The following MTUS2 variants were observed in gnomAD, a reference collection of about 807,000 sequenced individuals.
MTUS2 encodes the protein microtubule associated scaffold protein 2.
A neutral mutation model predicts 114.1 loss-of-function variants in MTUS2; 40 were observed. That is an observed-to-expected ratio of 0.35 (90% CI 0.27 to 0.46). The LOEUF (loss-of-function observed/expected upper bound fraction) is 0.46. MTUS2 is among the 20% of genes least tolerant of loss of function. The probability of loss-of-function intolerance (pLI) is 1.00; values close to 1 mark genes in which losing one functional copy is unlikely to be tolerated. For synonymous variants in MTUS2, 688 were observed against 672.0 expected, an observed-to-expected ratio of 1.02 and a Z score of -0.37; for missense variants, 1,679 against 1,705.4, an observed-to-expected ratio of 0.98 and a Z score of 0.27.
intron 2 of MTUS2, among the ~76,000 whole-genome samples, chr13:28,908,915 C>A (rs1356057260): frequency 1.3e-5 from 2 of 151,564 alleles, no homozygotes; most frequent in Non-Finnish European, 2.9e-5. Context: ...TATGGCTAGC[C>A]AGTTTTCCCA....
intron 9 of MTUS2, among the ~76,000 whole-genome samples, chr13:29,461,729 G>T (rs954560059): frequency 2.6e-5 from 4 of 152,188 alleles, no homozygotes; most frequent in African/African-American, 7.2e-5. Context: ...TTAATATAAA[G>T]AATTGTTAAT....
chr13:28,833,545 A>G (rs1381675238), intron 1 of MTUS2, among the ~76,000 whole-genome samples: 1 of 152,148 alleles, frequency 6.6e-6, no homozygotes, highest in Non-Finnish European at 1.5e-5. Flanking sequence ...CAAAACTAGG[A>G]ATGGAAGGAA....
chr13:29,109,797 A>T (rs1347796893), intron 5 of MTUS2, among the ~76,000 whole-genome samples: 2 of 152,194 alleles, frequency 1.3e-5, no homozygotes, highest in African/African-American at 4.8e-5. Flanking sequence ...TTAAAAGATG[A>T]CCATGATGGA....
intron 6 of MTUS2, among the ~76,000 whole-genome samples, chr13:29,298,553 C>T (rs78100509): frequency 5.3e-5 from 8 of 152,238 alleles, no homozygotes; most frequent in Non-Finnish European, 1.2e-4. Flanking sequence ...GTTCTCCCTG[C>T]CTTCGTCCAG....
intron 4 of MTUS2, 59 bp downstream of exon 4, chr13:29,034,184 AGAT>A: frequency 6.2e-7 from 1 of 1,602,732 alleles, no homozygotes; most frequent in Non-Finnish European, 8.5e-7. Flanking sequence ...TCATCATGTA[AGAT>A]GGTGATAATT....
intron 6 of MTUS2, among the ~76,000 whole-genome samples, chr13:29,309,956 C>T (rs1463014516): frequency 6.6e-6 from 1 of 152,042 alleles, no homozygotes; most frequent in South Asian, 2.1e-4. Context: ...TTTAAATATA[C>T]AAAAAATTAT....
intron 8 of MTUS2, among the ~76,000 whole-genome samples, chr13:29,417,579 A>G (rs1255207603): frequency 6.6e-6 from 1 of 151,772 alleles, no homozygotes; most frequent in African/African-American, 2.4e-5. Flanking sequence ...AGTTTATCTT[A>G]CTCTGGGCAC....
intron 8 of MTUS2, among the ~76,000 whole-genome samples, chr13:29,371,267 G>T (rs1243624235): frequency 3.3e-5 from 5 of 150,416 alleles, no homozygotes; most frequent in Non-Finnish European, 5.9e-5. Flanking sequence ...GCCCAGGCTG[G>T]AGTGCAGTGG....
At chr13:29,356,362 T>C (rs1869742275) in intron 7 of MTUS2, among the ~76,000 whole-genome samples, 1 of 152,222 alleles carries the variant, frequency 6.6e-6, no homozygotes, top group African/African-American at 2.4e-5. Flanking sequence ...ACAAACCTGG[T>C]ACTTCCTAAG....
chr13:29,351,617 T>C (rs1196988760), intron 7 of MTUS2, among the ~76,000 whole-genome samples: 1 of 151,834 alleles, frequency 6.6e-6, no homozygotes, highest in African/African-American at 2.4e-5. Flanking sequence ...TTTGTTTGTT[T>C]TTTTGAGACA....
At chr13:29,059,311 T>C (rs1888300115) in intron 4 of MTUS2, among the ~76,000 whole-genome samples, 1 of 145,096 alleles carries the variant, frequency 6.9e-6, no homozygotes, top group African/African-American at 2.5e-5. Context: ...TTTAGTCAAC[T>C]GGCTTCAAAG....
intron 1 of MTUS2, among the ~76,000 whole-genome samples, chr13:28,829,527 G>A (rs894792945): frequency 2.6e-5 from 3 of 114,494 alleles, no homozygotes; most frequent in Admixed American, 8.3e-5. Context: ...GTAGGACTCC[G>A]TCTAAAAAAA....
rs1896792284 is a variant in MTUS2 at position 29,243,199 on chromosome 13, G to A, written c.2645-38505G>A. 1.3e-5 allele frequency among the ~76,000 whole-genome samples: 2 copies of A among 152,210 alleles called. 1 individual carries two copies. The highest frequency in any genetic ancestry group is 4.1e-4 in the South Asian group (2 of 4,836). On this transcript the variant is annotated intron_variant, in intron 5 of 15. Coordinates refer to ENST00000612955, the MANE Select transcript of MTUS2 (RefSeq NM_001033602.4). ...GAGGAGTAAAGTCACAAGAAAGGAT[G>A]CCACTCAGGGGAGAGTGTGTAGAAG...
chr13:29,326,442 T>G (rs1272912224), intron 7 of MTUS2, among the ~76,000 whole-genome samples: 1 of 152,112 alleles, frequency 6.6e-6, no homozygotes, highest in Non-Finnish European at 1.5e-5. Context: ...CATGTTAAAA[T>G]ATCTGTTAAA....
At chr13:29,348,826 T>C (rs917961923) in intron 7 of MTUS2, among the ~76,000 whole-genome samples, 3 of 152,228 alleles carry the variant, frequency 2.0e-5, no homozygotes, top group Non-Finnish European at 2.9e-5. Flanking sequence ...GGTAATACTT[T>C]TTTCCTTGAA....
chr13:29,164,158 G>T (rs1363736619), intron 5 of MTUS2, among the ~76,000 whole-genome samples: 1 of 152,156 alleles, frequency 6.6e-6, no homozygotes, highest in African/African-American at 2.4e-5. Context: ...GGGCAGTTAG[G>T]CTAGATGACT....
At chr13:29,272,213 C>T (rs1897906493) in intron 5 of MTUS2, among the ~76,000 whole-genome samples, 1 of 152,030 alleles carries the variant, frequency 6.6e-6, no homozygotes, top group Non-Finnish European at 1.5e-5. Flanking sequence ...AATATTATCA[C>T]CAAGTGATAA....
chr13:28,949,976 G>T (rs73439435), intron 2 of MTUS2, among the ~76,000 whole-genome samples: 9,534 of 152,232 alleles, frequency 0.063, 985 homozygotes, highest in African/African-American at 0.22. Context: ...AACCCAGAAG[G>T]GGAATTTCTG....
intron 5 of MTUS2, among the ~76,000 whole-genome samples, chr13:29,107,339 T>C (rs948831959): frequency 2.0e-5 from 3 of 152,126 alleles, no homozygotes; most frequent in Admixed American, 6.5e-5. Context: ...TCCTTTACAA[T>C]AGTAGAATTT....
Sources: allele counts gnomAD v4.1 joint callset (sites outside exome capture counted in the v4.1 genomes callset), GRCh38; gene constraint gnomAD v4.1.1; transcripts MANE v1.5; gene names NCBI Gene and HGNC (gene_info 2026-07-23, HGNC 2026-07-21).